TSHZ3: variants seen among roughly 807,000 people sequenced by gnomAD.
TSHZ3 encodes the protein teashirt homolog 3.
Under a neutral mutation model 64.5 loss-of-function variants are expected in TSHZ3, and 10 were observed. The observed-to-expected ratio is 0.16, with a 90% CI of 0.10 to 0.26. The LOEUF (loss-of-function observed/expected upper bound fraction) is 0.26, where lower values mean the gene tolerates loss of function less well. TSHZ3 is among the 10% of genes least tolerant of loss of function. TSHZ3 has a pLI of 1.00. For missense variants in TSHZ3, 1,242 were observed against 1,421.7 expected (o/e 0.87, Z 2.03); for synonymous variants, 608 against 593.1 (o/e 1.03, Z -0.36).
chr19:31,274,567 C>T (rs1272408430), downstream of TSHZ3, among the ~76,000 whole-genome samples: 4 of 151,992 alleles, frequency 2.6e-5, no homozygotes, highest in African/African-American at 9.7e-5. Flanking sequence ...GTGCAGGGCC[C>T]TGAACCCCGG....
At chr19:31,214,866 T>C (rs920825192) in intron 4 of TSHZ3, among the ~76,000 whole-genome samples, 1 of 133,694 alleles carries the variant, frequency 7.5e-6, no homozygotes, top group Non-Finnish European at 1.5e-5. Flanking sequence ...GGAGATCCGG[T>C]CACTGCACTC....
At chr19:31,173,355 G>T (rs1035183333) in intron 5 of TSHZ3, among the ~76,000 whole-genome samples, 6 of 152,148 alleles carry the variant, frequency 3.9e-5, no homozygotes, top group Non-Finnish European at 7.4e-5. Context: ...TGACTACCTT[G>T]TTTGTTGTGA....
At chr19:31,301,591 C>T (rs941495442) in intron 1 of TSHZ3, among the ~76,000 whole-genome samples, 3 of 152,142 alleles carry the variant, frequency 2.0e-5, no homozygotes, top group African/African-American at 7.2e-5. Flanking sequence ...TGCTGGGCAT[C>T]GTCATAGAGC....
intron 1 of TSHZ3, among the ~76,000 whole-genome samples, chr19:31,269,763 C>T (rs1352764039): frequency 6.6e-6 from 1 of 152,152 alleles, no homozygotes; most frequent in Non-Finnish European, 1.5e-5. Context: ...TTTAAGAAGT[C>T]ATTTCCAAAG....
intron 1 of TSHZ3, among the ~76,000 whole-genome samples, chr19:31,306,104 G>T (rs1386485026): frequency 1.3e-5 from 2 of 152,318 alleles, no homozygotes; most frequent in South Asian, 2.1e-4. Context: ...GCCAGGCGGG[G>T]AGTGACGCAC....
At chr19:31,214,949 C>G (rs1004054232) in intron 4 of TSHZ3, among the ~76,000 whole-genome samples, 1 of 150,890 alleles carries the variant, frequency 6.6e-6, no homozygotes, top group Non-Finnish European at 1.5e-5. Context: ...AGCATTCAAC[C>G]CTCATCCATA....
chr19:31,325,314 A>G (rs1916902590), intron 1 of TSHZ3, among the ~76,000 whole-genome samples: 1 of 152,326 alleles, frequency 6.6e-6, no homozygotes, highest in Middle Eastern at 3.4e-3. Context: ...CCATCCAATG[A>G]GGCTGTCCCT....
At chr19:31,216,817 A>AT (rs1408760739) in intron 4 of TSHZ3, among the ~76,000 whole-genome samples, 1 of 150,692 alleles carries the variant, frequency 6.6e-6, no homozygotes, top group Non-Finnish European at 1.5e-5. Context: ...TTTATTTTTT[A>AT]TTTTTTATTT....
intron 5 of TSHZ3, among the ~76,000 whole-genome samples, chr19:31,191,833 T>TG (rs1568342751): frequency 1.3e-5 from 2 of 152,170 alleles, no homozygotes; most frequent in Non-Finnish European, 1.5e-5. Flanking sequence ...CACTCCAGCC[T>TG]GGGAGACTGC....
chr19:31,321,528 C>G (rs1916771216), intron 1 of TSHZ3, among the ~76,000 whole-genome samples: 1 of 152,208 alleles, frequency 6.6e-6, no homozygotes. Flanking sequence ...CATGGAAACA[C>G]ACCAAGGTGT....
intron 4 of TSHZ3, among the ~76,000 whole-genome samples, chr19:31,226,704 G>C (rs1975467334): frequency 6.6e-6 from 1 of 152,008 alleles, no homozygotes. Context: ...TGAACACCCT[G>C]TGTTCAAGAC....
chr19:31,327,988 C>G (rs574606674), intron 1 of TSHZ3, among the ~76,000 whole-genome samples: 2 of 152,204 alleles, frequency 1.3e-5, no homozygotes, highest in Admixed American at 1.3e-4. Flanking sequence ...CATTCTAGAG[C>G]CTTTAGTTAC....
chr19:31,218,596 A>T (rs557366161), intron 4 of TSHZ3, among the ~76,000 whole-genome samples: 1 of 152,360 alleles, frequency 6.6e-6, no homozygotes, highest in East Asian at 1.9e-4. Context: ...AAAAACTCCC[A>T]CGTGGATATG....
intron 1 of TSHZ3, among the ~76,000 whole-genome samples, chr19:31,296,483 C>T (rs1474937244): frequency 1.3e-5 from 2 of 151,644 alleles, no homozygotes; most frequent in Admixed American, 1.3e-4. Flanking sequence ...TAAAGGTGCC[C>T]GCCACCATGC....
At chr19:31,313,461 T>C (rs776976146) in intron 1 of TSHZ3, among the ~76,000 whole-genome samples, 57 of 152,288 alleles carry the variant, frequency 3.7e-4, no homozygotes, top group Admixed American at 6.5e-4. Flanking sequence ...GAGTCTGAGC[T>C]ACATGCCTGC....
chr19:31,277,679 C>T lies in TSHZ3; in HGVS notation c.2114G>A (p.Ser705Asn), dbSNP rs370274795. Residue 705 changes from serine (S) to asparagine (N), a missense_variant, in exon 2 of 2, where the codon AGC becomes AAC. Around this residue, in one of 4 missense-constraint regions of TSHZ3, gnomAD observed 550 missense variants for 545.1 expected, o/e 1.01. Transcript: ENST00000240587. This position sits in a 1 kb window ranked among gnomAD's most constrained non-coding sequence, Gnocchi z 4.5. ...VKPLASSLSG[S>N]TAIITDHPPE... ...CGGGTGGTCGGTGATGATGGCCGTG[C>T]TGCCACTCAAACTGCTGGCTAGGGG... 1.5e-5 allele frequency: 23 copies of T among 1,527,290 alleles called. No individual in the cohort carries two copies. The highest frequency in any genetic ancestry group is 2.8e-5 in the African/African-American group (2 of 72,028). The allele number at this position is 1,527,290 out of a possible 1,614,324, so 94.6% of individuals were successfully genotyped here. A position where few individuals can be genotyped will look rare whatever the true frequency, so the allele number is the denominator to read the frequency against.
chr19:31,267,571 C>T (rs1395413448), intron 1 of TSHZ3, among the ~76,000 whole-genome samples: 1 of 152,150 alleles, frequency 6.6e-6, no homozygotes, highest in Non-Finnish European at 1.5e-5. Context: ...TCCACCCTTC[C>T]CCCATTTCTT....
At chr19:31,182,126 G>T (rs982718127) in intron 5 of TSHZ3, among the ~76,000 whole-genome samples, 3 of 152,132 alleles carry the variant, frequency 2.0e-5, no homozygotes, top group Non-Finnish European at 2.9e-5. Context: ...TGTGGAATAG[G>T]AACTTGGAGA....
intron 3 of TSHZ3, among the ~76,000 whole-genome samples, chr19:31,232,601 T>C (rs1253657186): frequency 3.3e-5 from 5 of 152,188 alleles, no homozygotes; most frequent in Non-Finnish European, 1.5e-5. Flanking sequence ...AATGTACAGG[T>C]CAATGGCATT....
Sources: gnomAD v4.1 joint callset for allele counts (sites outside exome capture counted in the v4.1 genomes callset) on GRCh38, gnomAD v4.1.1 for gene constraint, gnomAD v4.1.1 regional missense constraint, Gnocchi (gnomAD v3.1) non-coding constraint, MANE v1.5 for transcripts, NCBI Gene and HGNC (gene_info 2026-07-23, HGNC 2026-07-21) for gene names.